The following PSD4 variants were observed in gnomAD, a reference collection of about 807,000 sequenced individuals.
The protein encoded by PSD4 is PH and SEC7 domain-containing protein 4.
In PSD4, 59 loss-of-function variants were observed where a neutral mutation model predicts 112.5. The ratio of observed to expected loss-of-function variants is 0.52; its 90% confidence interval spans 0.43 to 0.65. The LOEUF (loss-of-function observed/expected upper bound fraction) is 0.65, where lower values mean the gene tolerates loss of function less well. Among genes scored for constraint, PSD4 ranks in the 30% least tolerant of loss-of-function variants. PSD4 has a pLI of 0.00. For missense variants in PSD4, 1,267 were observed against 1,352.6 expected, an observed-to-expected ratio of 0.94 and a Z score of 0.99; for synonymous variants, 533 against 540.0, an observed-to-expected ratio of 0.99 and a Z score of 0.18.
chr2:113,199,539 T>C (rs537903008), intron 16 of PSD4, among the ~76,000 whole-genome samples: 1 of 152,388 alleles, frequency 6.6e-6, no homozygotes, highest in Admixed American at 6.5e-5. Context: ...TCTTTTCTCC[T>C]AAGAGTATAT....
Position 113,195,730 on chromosome 2 carries a change from C to T in PSD4, c.2185C>T (p.Leu729Phe), listed in dbSNP as rs894711127. Residue 729 changes from leucine to phenylalanine, a missense_variant, in exon 11 of 17, where the codon CTC (leucine) becomes TTC (phenylalanine). Physicochemically the swap from Leu to Phe is conservative, Grantham distance 22. This residue lies in a region of PSD4 where 544 missense variants were observed against 648.6 expected (regional missense o/e 0.84). Transcript: ENST00000245796. Reference sequence around the variant, plus strand: ...CACCTGTGTGCTTCTGTTCCAGGCCCTCTACTGGTCTATCCGCAGCGAGAA... The same window carrying T: ...CACCTGTGTGCTTCTGTTCCAGGCCTTCTACTGGTCTATCCGCAGCGAGAA... Reference protein sequence around the residue: ...GNFPKELLKALYWSIRSEKLE... With the variant: ...GNFPKELLKAFYWSIRSEKLE... 3 of 1,614,210 alleles carry T rather than the reference C, an allele frequency of 1.9e-6. No individual in the cohort carries two copies. In the East Asian group the frequency reaches 6.7e-5, roughly 36 times the overall value.
intron 1 of PSD4, chr2:113,175,250 C>G (rs1042131274): frequency 6.5e-6 from 1 of 153,048 alleles, no homozygotes; most frequent in African/African-American, 2.4e-5. Flanking sequence ...TGATCTCTCC[C>G]CTGGATACTC....
chr2:113,208,174 CT>C lies in PSD4; in HGVS notation c.*6762del, dbSNP rs1688890485. On this transcript the variant is annotated 3_prime_UTR_variant, in exon 17 of 17. Transcript: ENST00000245796. Reference sequence around the variant, plus strand: ...GTACTGGTGCATATTCTTTTTCTGTCTTTCCTGCTACTCCCTCTTGCTCTTC... The same window carrying C: ...GTACTGGTGCATATTCTTTTTCTGTCTTCCTGCTACTCCCTCTTGCTCTTC... 6.6e-6 allele frequency: 1 copy of C among 152,278 alleles called. No homozygotes were observed. Among genetic ancestry groups the C allele is most frequent in the Admixed American group, 6.5e-5 (1 of 15,280 alleles). 9.4% of individuals were successfully genotyped at this position (152,278 alleles called of 1,614,324 possible). A position where few individuals can be genotyped will look rare whatever the true frequency, so the allele number is the denominator to read the frequency against.
Position 113,196,142 on chromosome 2 carries a change from T to A in PSD4, c.2226-5T>A, listed in dbSNP as rs983167893. 2 of 1,606,170 alleles carry A rather than the reference T, an allele frequency of 1.2e-6. No homozygotes were observed. Among genetic ancestry groups the A allele is most frequent in the South Asian group, 2.2e-5 (2 of 90,868 alleles). ...GCACTTCCAGCCCGATTCTCTGATG[T>A]TCAGGGATGAAGAAGACACAGCCAG... On this transcript the variant is annotated splice_polypyrimidine_tract_variant and splice_region_variant and intron_variant, in intron 11 of 16. Coordinates refer to ENST00000245796, the MANE Select transcript of PSD4 (RefSeq NM_012455.3).
rs935610544 is a variant in PSD4 at position 113,207,777 on chromosome 2, T to G, written c.*6362T>G. The G allele has an allele frequency of 2.6e-5, 4 of 152,044 alleles. No homozygotes were observed. The highest frequency in any genetic ancestry group is 9.7e-5 in the African/African-American group (4 of 41,390). 9.4% of individuals were successfully genotyped at this position (152,044 alleles called of 1,614,324 possible). A position where few individuals can be genotyped will look rare whatever the true frequency, so the allele number is the denominator to read the frequency against. On this transcript the variant is annotated 3_prime_UTR_variant, in exon 17 of 17. Coordinates refer to ENST00000245796, the MANE Select transcript of PSD4 (RefSeq NM_012455.3). ...CCGGCCCTCTTCATTTCTTTTTGCCTCTCTGCTTCCAGAGCAACATAAACT... is the reference window on the plus strand; with the variant it reads ...CCGGCCCTCTTCATTTCTTTTTGCCGCTCTGCTTCCAGAGCAACATAAACT...
rs1182132261 is a variant in PSD4 at position 113,182,623 on chromosome 2, C to T, written c.167C>T (p.Pro56Leu). 1.9e-6 allele frequency: 3 copies of T among 1,614,002 alleles called. No homozygotes were observed. The highest frequency in any genetic ancestry group is 2.5e-6 in the Non-Finnish European group (3 of 1,179,942). The change falls in exon 2 of 17, where the codon CCT becomes CTT. Residue 56 changes from proline to leucine, a missense_variant. Physicochemically the swap from Pro to Leu is moderately conservative, Grantham distance 98. Transcript: ENST00000245796. Reference protein sequence around the residue: ...FEEQTWATDPPEPTRQNVPPW... With the variant: ...FEEQTWATDPLEPTRQNVPPW... Reference sequence around the variant, plus strand: ...GAGCAAACCTGGGCCACTGACCCTCCTGAACCTACCAGACAAAATGTTCCT... The same window carrying T: ...GAGCAAACCTGGGCCACTGACCCTCTTGAACCTACCAGACAAAATGTTCCT...
chr2:113,178,789 G>A (rs1274386851), intron 1 of PSD4, among the ~76,000 whole-genome samples: 1 of 152,094 alleles, frequency 6.6e-6, no homozygotes, highest in Admixed American at 6.5e-5. Context: ...CACTCATTCA[G>A]GTACAATGTG....
Position 113,197,479 on chromosome 2 carries a change from G to A in PSD4, c.2387-85G>A, listed in dbSNP as rs750411459. ...GACTGGAGGTGGTGTGAGGGACAGG[G>A]GGCATATGCACACTTGCGTGTGTCT... On this transcript the variant is annotated intron_variant, in intron 12 of 16. Transcript: ENST00000245796. 6 of 1,417,752 alleles carry A rather than the reference G, an allele frequency of 4.2e-6. No homozygotes were observed. The African/African-American group carries it at 4.2e-5, about 10-fold the overall frequency. The allele number at this position is 1,417,752 out of a possible 1,614,324, so 87.8% of individuals were successfully genotyped here.
intron 10 of PSD4, among the ~76,000 whole-genome samples, chr2:113,194,333 T>C (rs1010532882): frequency 1.3e-5 from 2 of 152,252 alleles, no homozygotes; most frequent in African/African-American, 4.8e-5. Context: ...ATTCTAGTCT[T>C]GGGCAATTTG....
intron 9 of PSD4, 38 bp from the exon 10 acceptor site, chr2:113,193,821 G>T: frequency 6.3e-7 from 1 of 1,595,094 alleles, no homozygotes; most frequent in Non-Finnish European, 8.6e-7. Flanking sequence ...TTGGGATGGG[G>T]TGTGTGCTCG....
chr2:113,191,155 A>G (rs1184456767), intron 5 of PSD4, among the ~76,000 whole-genome samples: 1 of 152,228 alleles, frequency 6.6e-6, no homozygotes, highest in African/African-American at 2.4e-5. Context: ...TTCTGTCACC[A>G]TCACCCAAAG....
At chr2:113,183,893 A>T (rs1688219667) in intron 2 of PSD4, among the ~76,000 whole-genome samples, 1 of 152,236 alleles carries the variant, frequency 6.6e-6, no homozygotes, top group Non-Finnish European at 1.5e-5. Context: ...GTAACAGGGC[A>T]GCGCTCAGCC....
intron 5 of PSD4, 106 bp downstream of exon 5, chr2:113,186,361 C>A: frequency 8.2e-7 from 1 of 1,226,172 alleles, no homozygotes; most frequent in Non-Finnish European, 1.1e-6. Flanking sequence ...TAAACATACC[C>A]ATATTTATTA....
Position 113,183,028 on chromosome 2 carries a change from C to G in PSD4, c.572C>G (p.Pro191Arg). The G allele has an allele frequency of 6.2e-7, 1 of 1,613,928 alleles. No individual in the cohort carries two copies. Among genetic ancestry groups the G allele is most frequent in the Non-Finnish European group, 8.5e-7 (1 of 1,179,888 alleles). ...GGGCTGAAATGCTGTCTCCCCACGCCCCCTGTGGACCTCCCCGGGGACACG... is the reference window on the plus strand; with the variant it reads ...GGGCTGAAATGCTGTCTCCCCACGCGCCCTGTGGACCTCCCCGGGGACACG... ...KAGLKCCLPT[P>R]PVDLPGDTGL... The change falls in exon 2 of 17, where the codon CCC (proline) becomes CGC (arginine). Residue 191 changes from proline to arginine, a missense_variant. By Grantham distance (103) the Pro-to-Arg change is moderately radical. This residue lies in a region of PSD4 where 723 missense variants were observed against 704.0 expected (regional missense o/e 1.03). Transcript: ENST00000245796.
Position 113,182,791 on chromosome 2 carries a change from A to G in PSD4, c.335A>G (p.Glu112Gly), listed in dbSNP as rs1217013869. The G allele has an allele frequency of 1.2e-6, 2 of 1,600,298 alleles. No homozygotes were observed. Among genetic ancestry groups the G allele is most frequent in the East Asian group, 4.5e-5 (2 of 44,684 alleles). ...GCTCCTCCCTGGGGCTCCGGTGTGGAGCTCACACACCTGGGGAGCCCCTCT... is the reference window on the plus strand; with the variant it reads ...GCTCCTCCCTGGGGCTCCGGTGTGGGGCTCACACACCTGGGGAGCCCCTCT... ...QDAPPWGSGV[E>G]LTHLGSPSAQ... Residue 112 changes from glutamate to glycine, a missense_variant, in exon 2 of 17, where the codon GAG (glutamate) becomes GGG (glycine). Transcript: ENST00000245796.
chr2:113,185,263 C>A, intron 3 of PSD4, 102 bp from the exon 4 acceptor site: 1 of 1,550,730 alleles, frequency 6.4e-7, no homozygotes, highest in Non-Finnish European at 8.8e-7. Context: ...CTCATGGCAT[C>A]CTTCCCCTCC....
intron 9 of PSD4, 85 bp from the exon 10 acceptor site, chr2:113,193,774 A>C (rs1688523615): frequency 6.4e-7 from 1 of 1,566,476 alleles, no homozygotes; most frequent in Admixed American, 1.7e-5. Flanking sequence ...GGGGAGCTGG[A>C]AAGGGTTCCA....
At chr2:113,191,800 G>A (rs1302038220) in intron 5 of PSD4, among the ~76,000 whole-genome samples, 1 of 152,004 alleles carries the variant, frequency 6.6e-6, no homozygotes, top group African/African-American at 2.4e-5. Context: ...TTCACACTAG[G>A]TCATAGGTCA....
rs753871585 is a variant in PSD4 at position 113,201,613 on chromosome 2, C to G, written c.*198C>G. Reference sequence around the variant, plus strand: ...TTCCTAATATTGCTGTGCTCCCCACCACCCCCATGGCAGTCCCTCCGCAGC... The same window carrying G: ...TTCCTAATATTGCTGTGCTCCCCACGACCCCCATGGCAGTCCCTCCGCAGC... On this transcript the variant is annotated 3_prime_UTR_variant, in exon 17 of 17. Transcript: ENST00000245796. The G allele has an allele frequency of 6.6e-6, 5 of 753,690 alleles. No individual in the cohort carries two copies. Among genetic ancestry groups the G allele is most frequent in the Non-Finnish European group, 1.0e-5 (5 of 478,118 alleles). The allele number at this position is 753,690 out of a possible 1,614,324, so 46.7% of individuals were successfully genotyped here.
Sources: gnomAD v4.1 joint callset for allele counts (sites outside exome capture counted in the v4.1 genomes callset) on GRCh38, gnomAD v4.1.1 for gene constraint, gnomAD v4.1.1 regional missense constraint, MANE v1.5 for transcripts, NCBI Gene and HGNC (gene_info 2026-07-23, HGNC 2026-07-21) for gene names.